The following JAZF1 variants were observed in gnomAD, a reference collection of about 807,000 sequenced individuals.
JAZF1 encodes JAZF zinc finger 1, also known as juxtaposed with another zinc finger protein 1.
Under a neutral mutation model 26.4 loss-of-function variants are expected in JAZF1, and 8 were observed. The observed-to-expected ratio is 0.30, with a 90% CI of 0.18 to 0.55. The LOEUF (loss-of-function observed/expected upper bound fraction) is 0.55, where lower values mean the gene tolerates loss of function less well. JAZF1 is among the 20% of genes least tolerant of loss of function. The pLI is 0.94. For synonymous variants in JAZF1, 126 were observed against 122.3 expected, an observed-to-expected ratio of 1.03 and a Z score of -0.20; for missense variants, 199 against 322.0, an observed-to-expected ratio of 0.62 and a Z score of 2.92.
At chr7:28,109,798 G>A (rs1375966282) in intron 1 of JAZF1, among the ~76,000 whole-genome samples, 1 of 152,146 alleles carries the variant, frequency 6.6e-6, no homozygotes, top group African/African-American at 2.4e-5. Context: ...GGGATGGAGG[G>A]CACTCACCTT....
intron 2 of JAZF1, among the ~76,000 whole-genome samples, chr7:27,954,200 G>A (rs17156080): frequency 6.6e-6 from 1 of 152,098 alleles, no homozygotes; most frequent in Non-Finnish European, 1.5e-5. Flanking sequence ...AGCTCCTAGA[G>A]GTAAATACTT....
intron 1 of JAZF1, among the ~76,000 whole-genome samples, chr7:28,061,693 G>C (rs1437750487): frequency 6.6e-6 from 1 of 152,188 alleles, no homozygotes; most frequent in East Asian, 1.9e-4. Flanking sequence ...TAAGAGCCAG[G>C]AGAGTTTTCA....
chr7:28,031,839 C>T (rs1346524219), intron 1 of JAZF1, among the ~76,000 whole-genome samples: 1 of 152,052 alleles, frequency 6.6e-6, no homozygotes, highest in African/African-American at 2.4e-5. Flanking sequence ...ACATGTTCAC[C>T]TGTGTAACAA....
intron 1 of JAZF1, among the ~76,000 whole-genome samples, chr7:27,997,739 TCTA>T (rs1302548301): frequency 6.6e-6 from 1 of 151,140 alleles, no homozygotes; most frequent in African/African-American, 2.5e-5. Context: ...GAGCAATATT[TCTA>T]CTTTTTTTTT....
At chr7:27,883,664 T>G (rs149324643) in intron 3 of JAZF1, among the ~76,000 whole-genome samples, 1 of 152,328 alleles carries the variant, frequency 6.6e-6, no homozygotes, top group East Asian at 1.9e-4. Flanking sequence ...ATTCTCAATG[T>G]AAGGAAGCAC....
chr7:27,951,782 A>G (rs1361588227), intron 2 of JAZF1, among the ~76,000 whole-genome samples: 2 of 152,242 alleles, frequency 1.3e-5, no homozygotes, highest in Non-Finnish European at 2.9e-5. Flanking sequence ...GAATCAACAC[A>G]TCAGAAAAGG....
intron 4 of JAZF1, among the ~76,000 whole-genome samples, chr7:27,836,862 C>A (rs542731323): frequency 3.9e-5 from 6 of 152,256 alleles, no homozygotes; most frequent in African/African-American, 1.4e-4. Context: ...TAGACAATTA[C>A]AGAAATTCAG....
At chr7:28,058,359 C>T (rs139203784) in intron 1 of JAZF1, among the ~76,000 whole-genome samples, 172 of 152,210 alleles carry the variant, frequency 1.1e-3, no homozygotes, top group African/African-American at 3.7e-3. Flanking sequence ...GCAGAGAGGA[C>T]GAAAATGAGG....
chr7:28,041,390 G>C (rs1783388189), intron 1 of JAZF1, among the ~76,000 whole-genome samples: 1 of 151,746 alleles, frequency 6.6e-6, no homozygotes, highest in South Asian at 2.1e-4. Context: ...TTTATAATTT[G>C]GTATAAGCTA....
At chr7:28,126,609 G>C (rs2127940062) in intron 1 of JAZF1, among the ~76,000 whole-genome samples, 1 of 152,196 alleles carries the variant, frequency 6.6e-6, no homozygotes, top group Admixed American at 6.5e-5. Context: ...AACAGGAAGG[G>C]GAGCGGTGAT....
chr7:27,934,953 C>T (rs1175089882), intron 2 of JAZF1, among the ~76,000 whole-genome samples: 1 of 152,096 alleles, frequency 6.6e-6, no homozygotes. Flanking sequence ...AATTTTATAT[C>T]TGATAATGAA....
intron 1 of JAZF1, among the ~76,000 whole-genome samples, chr7:28,059,279 T>C (rs1027639196): frequency 6.6e-6 from 1 of 152,220 alleles, no homozygotes; most frequent in African/African-American, 2.4e-5. Flanking sequence ...TGAAGATGAT[T>C]CTTGGAAGCA....
chr7:27,917,471 T>C (rs1270428664), intron 2 of JAZF1, among the ~76,000 whole-genome samples: 1 of 152,240 alleles, frequency 6.6e-6, no homozygotes, highest in Admixed American at 6.5e-5. Flanking sequence ...TGGCAACTAA[T>C]AATCTGCATG....
chr7:27,938,754 C>G (rs1784796776), intron 2 of JAZF1, among the ~76,000 whole-genome samples: 2 of 151,798 alleles, frequency 1.3e-5, no homozygotes, highest in South Asian at 4.2e-4. Context: ...TCACTGCAAC[C>G]TCCACCTCCC....
intron 1 of JAZF1, among the ~76,000 whole-genome samples, chr7:28,132,603 A>G (rs1420333558): frequency 6.6e-6 from 1 of 152,226 alleles, no homozygotes; most frequent in African/African-American, 2.4e-5. Context: ...AATTAGGAGC[A>G]TAGAATGATC....
At chr7:28,138,225 C>T (rs1480254627) in intron 1 of JAZF1, among the ~76,000 whole-genome samples, 1 of 152,156 alleles carries the variant, frequency 6.6e-6, no homozygotes, top group African/African-American at 2.4e-5. Flanking sequence ...AAGCCTGATG[C>T]TGGTAGAAGT....
chr7:27,841,021 C>G lies in JAZF1; in HGVS notation c.386-154G>C. The G allele has an allele frequency of 4.4e-6, 3 of 682,084 alleles. No individual in the cohort carries two copies. The South Asian group carries it at 5.6e-5, about 13-fold the overall frequency. 42.3% of individuals were successfully genotyped at this position (682,084 alleles called of 1,614,324 possible). On this transcript the variant is annotated intron_variant, in intron 3 of 4. Transcript: ENST00000283928. ...CGGCACCAGGGGACTGCAAACACGG[C>G]TATTCCCTTACAACCCTGGAAGCAG... is the stretch of plus-strand genomic sequence containing the variant.
At position 27,994,430 on chromosome 7, in the gene JAZF1, C is replaced by T. The variant is rs753395208; in HGVS notation, c.116-2449G>A. Among the ~76,000 whole-genome samples the T allele has an allele frequency of 7.5e-5, 11 of 147,424 alleles. No homozygotes were observed. The South Asian group carries it at 2.4e-3, about 32-fold the overall frequency. On this transcript the variant is annotated intron_variant, in intron 1 of 4. Transcript: ENST00000283928. ...ACTTCTGGAAGCTTCCAAACACCAC[C>T]CTCTCCATCACAAAAAAAAAAAAAC...
At chr7:27,921,070 A>T (rs1784521351) in intron 2 of JAZF1, among the ~76,000 whole-genome samples, 1 of 152,246 alleles carries the variant, frequency 6.6e-6, no homozygotes, top group Non-Finnish European at 1.5e-5. Flanking sequence ...AAAAAATCTG[A>T]CTACTACTAA....
Sources: allele counts gnomAD v4.1 joint callset (sites outside exome capture counted in the v4.1 genomes callset), GRCh38; gene constraint gnomAD v4.1.1; transcripts MANE v1.5; gene names NCBI Gene and HGNC (gene_info 2026-07-23, HGNC 2026-07-21).